NR4A3: variants seen among roughly 807,000 people sequenced by gnomAD.
NR4A3 encodes the protein nuclear receptor subfamily 4 group A member 3.
NR4A3 carries 13 observed loss-of-function variants against 55.6 expected under a neutral mutation model. The observed-to-expected ratio is 0.23, with a 90% CI of 0.15 to 0.37. NR4A3 has a LOEUF of 0.37. Among genes scored for constraint, NR4A3 ranks in the 10% least tolerant of loss-of-function variants. The pLI is 1.00. For missense variants in NR4A3, 646 were observed against 822.8 expected, an observed-to-expected ratio of 0.79 and a Z score of 2.63; for synonymous variants, 342 against 357.9, an observed-to-expected ratio of 0.96 and a Z score of 0.50.
At chr9:99,841,953 G>A (rs1177031673) in intron 5 of NR4A3, among the ~76,000 whole-genome samples, 1 of 152,102 alleles carries the variant, frequency 6.6e-6, no homozygotes, top group African/African-American at 2.4e-5. Context: ...CTGAGGAACA[G>A]AGCGAGACCC....
chr9:99,828,680 A>G lies in NR4A3; in HGVS notation c.638A>G (p.Tyr213Cys). The G allele has an allele frequency of 7.3e-7, 1 of 1,377,940 alleles. No individual in the cohort carries two copies. Among genetic ancestry groups the G allele is most frequent in the Non-Finnish European group, 9.3e-7 (1 of 1,073,890 alleles). 85.4% of individuals were successfully genotyped at this position (1,377,940 alleles called of 1,614,324 possible). A position where few individuals can be genotyped will look rare whatever the true frequency, so the allele number is the denominator to read the frequency against. Residue 213 changes from tyrosine to cysteine, a missense_variant, in exon 3 of 8, where the codon TAC becomes TGC. Physicochemically the swap from Tyr to Cys is radical, Grantham distance 194 (BLOSUM62 -2). Around this residue, in one of 5 missense-constraint regions of NR4A3, gnomAD observed 426 missense variants for 429.4 expected, o/e 0.99. Coordinates refer to ENST00000395097, the MANE Select transcript of NR4A3 (RefSeq NM_006981.4). This position sits in a 1 kb window ranked among gnomAD's most constrained non-coding sequence, Gnocchi z 7.7. ...PSPAGGHHLGYDPTAAAALSL... is the reference protein window; with the variant it reads ...PSPAGGHHLGCDPTAAAALSL... The stretch of plus-strand genomic sequence containing the variant: ...CCGGCCGGCGGCCACCACCTCGGCT[A>G]CGACCCGACGGCCGCTGCCGCGCTC...
intron 1 of NR4A3, among the ~76,000 whole-genome samples, chr9:99,823,257 C>T (rs954604663): frequency 6.6e-6 from 1 of 152,070 alleles, no homozygotes; most frequent in Non-Finnish European, 1.5e-5. Flanking sequence ...TGAAAGTTCT[C>T]GGTGGTGAGA....
At chr9:99,829,620 T>C (rs1229523350) in intron 3 of NR4A3, among the ~76,000 whole-genome samples, 1 of 152,186 alleles carries the variant, frequency 6.6e-6, no homozygotes, top group Non-Finnish European at 1.5e-5. Context: ...CCAAAGTCCA[T>C]TCCCTTTTCA....
At chr9:99,840,569 A>G (rs991015821) in intron 5 of NR4A3, among the ~76,000 whole-genome samples, 61 of 152,244 alleles carry the variant, frequency 4.0e-4, no homozygotes, top group Non-Finnish European at 8.8e-5. Context: ...GGTGTGATTT[A>G]GCAATATTTA....
chr9:99,864,106 A>AGGGGGGGGGG lies in NR4A3; in HGVS notation c.*244_*245insGGGGGGGGGG. 3.4e-6 allele frequency: 1 copy of AGGGGGGGGGG among 296,160 alleles called. No homozygotes were observed. The highest frequency in any genetic ancestry group is 6.4e-6 in the Non-Finnish European group (1 of 155,316). The allele number at this position is 296,160 out of a possible 1,614,324, so 18.3% of individuals were successfully genotyped here. ...TTTAGGCATTGGGGGATGGGGTGGG[A>AGGGGGGGGGG]GGGGGTTATAGTTCATGAGGGTTTT... On this transcript the variant is annotated 3_prime_UTR_variant, in exon 8 of 8. Coordinates refer to ENST00000395097, the MANE Select transcript of NR4A3 (RefSeq NM_006981.4).
intron 1 of NR4A3, among the ~76,000 whole-genome samples, chr9:99,823,182 C>CT (rs1410882378): frequency 6.6e-5 from 10 of 152,054 alleles, no homozygotes; most frequent in Admixed American, 1.3e-4. Context: ...GAAAGGCATG[C>CT]TTTTTCACGG....
In NR4A3 at chr9:99,828,362, A is replaced by G. The variant is rs554268298; in HGVS notation, c.320A>G (p.His107Arg). The G allele has an allele frequency of 2.5e-6, 4 of 1,599,988 alleles. No individual in the cohort carries two copies. In the South Asian group the frequency reaches 4.5e-5, roughly 18 times the overall value. The change falls in exon 3 of 8, where the codon CAT becomes CGT. Residue 107 changes from histidine to arginine, a missense_variant. His to Arg is a conservative substitution (Grantham distance 29, BLOSUM62 0). Transcript: ENST00000395097. The surrounding 1 kb of genome is among the most constrained non-coding windows in gnomAD (Gnocchi z 7.7). ...HHHHHHHHHH[H>R]HQQQHQQPSI... ...CACCACCACCACCACCACCACCACC[A>G]TCACCAGCAGCAGCATCAGCAGCCA...
At chr9:99,835,702 A>G (rs1428543901) in intron 5 of NR4A3, among the ~76,000 whole-genome samples, 2 of 152,208 alleles carry the variant, frequency 1.3e-5, no homozygotes, top group East Asian at 1.9e-4. Flanking sequence ...TAGTCATTCA[A>G]TGGCAAACCT....
rs1222352877 is a variant in NR4A3, at chr9:99,864,272, T to C, written c.*405T>C. Reference sequence around the variant, plus strand: ...TAAAAACAAGAACAGCCAAGGGTTGTTCGCCAGGGTAGGATGTGTCTTAAA... The same window carrying C: ...TAAAAACAAGAACAGCCAAGGGTTGCTCGCCAGGGTAGGATGTGTCTTAAA... On this transcript the variant is annotated 3_prime_UTR_variant, in exon 8 of 8. Coordinates refer to ENST00000395097, the MANE Select transcript of NR4A3 (RefSeq NM_006981.4). The C allele has an allele frequency of 4.1e-6, 1 of 245,630 alleles. No homozygotes were observed. The highest frequency in any genetic ancestry group is 2.2e-5 in the African/African-American group (1 of 45,418). 15.2% of individuals were successfully genotyped at this position (245,630 alleles called of 1,614,324 possible). A position where few individuals can be genotyped will look rare whatever the true frequency, so the allele number is the denominator to read the frequency against.
intron 5 of NR4A3, chr9:99,833,753 T>C: frequency 1.4e-6 from 2 of 1,414,990 alleles, no homozygotes; most frequent in Admixed American, 2.6e-5. Flanking sequence ...CAAACTACAA[T>C]TTGTAGATTT....
In NR4A3 at chr9:99,866,577, G is replaced by A; in HGVS notation, c.*2710G>A. ...TCAACTCCCTTTTTTTTGTCTTAATGTTGCACATAAGTTTATACAGAGTGG... is the reference window on the plus strand; with the variant it reads ...TCAACTCCCTTTTTTTTGTCTTAATATTGCACATAAGTTTATACAGAGTGG... On this transcript the variant is annotated 3_prime_UTR_variant, in exon 8 of 8. Transcript: ENST00000395097. 4.4e-6 allele frequency: 1 copy of A among 227,612 alleles called. No individual in the cohort carries two copies. Among genetic ancestry groups the A allele is most frequent in the Non-Finnish European group, 8.8e-6 (1 of 114,280 alleles). The allele number at this position is 227,612 out of a possible 1,614,324, so 14.1% of individuals were successfully genotyped here. A position where few individuals can be genotyped will look rare whatever the true frequency, so the allele number is the denominator to read the frequency against.
In NR4A3 at chr9:99,828,129, G is replaced by T. The variant is rs1174673727; in HGVS notation, c.87G>T (p.Glu29Asp). The change falls in exon 3 of 8, where the codon GAG (glutamate) becomes GAT (aspartate). Residue 29 changes from glutamate (E) to aspartate (D), a missense_variant. Glu to Asp is a conservative substitution (Grantham distance 45). Transcript: ENST00000395097. The surrounding 1 kb of genome is among the most constrained non-coding windows in gnomAD (Gnocchi z 7.7). The stretch of plus-strand genomic sequence containing the variant: ...CATACAGCTCGGAATACACCACGGA[G>T]ATCATGAACCCCGACTACACCAAGC... Reference protein sequence around the residue: ...AQTYSSEYTTEIMNPDYTKLT... With the variant: ...AQTYSSEYTTDIMNPDYTKLT... 6.2e-7 allele frequency: 1 copy of T among 1,614,044 alleles called. No individual in the cohort carries two copies. The highest frequency in any genetic ancestry group is 1.1e-5 in the South Asian group (1 of 91,070).
At chr9:99,858,261 G>T (rs1237374440) in intron 7 of NR4A3, among the ~76,000 whole-genome samples, 1 of 152,184 alleles carries the variant, frequency 6.6e-6, no homozygotes, top group Non-Finnish European at 1.5e-5. Flanking sequence ...TTAACCAGAT[G>T]AGGATGGGAA....
chr9:99,826,936 C>T (rs564618223), intron 2 of NR4A3: 72 of 665,964 alleles, frequency 1.1e-4, no homozygotes, highest in Non-Finnish European at 1.6e-4. Flanking sequence ...CAAAAACCGC[C>T]GTTTTTTACC....
intron 6 of NR4A3, among the ~76,000 whole-genome samples, chr9:99,845,393 C>T (rs188263624): frequency 5.5e-3 from 836 of 152,212 alleles, no homozygotes; most frequent in Middle Eastern, 0.01. Context: ...TACTCAGTGA[C>T]GCCAAACACA....
chr9:99,845,129 T>C (rs1827731650), intron 6 of NR4A3, among the ~76,000 whole-genome samples: 1 of 152,322 alleles, frequency 6.6e-6, no homozygotes, highest in East Asian at 1.9e-4. Context: ...AGGAAGAGGT[T>C]GGATTTGATG....
intron 5 of NR4A3, among the ~76,000 whole-genome samples, chr9:99,834,375 A>G (rs1827511612): frequency 6.6e-6 from 1 of 152,210 alleles, no homozygotes; most frequent in African/African-American, 2.4e-5. Flanking sequence ...GAAGGAAAAA[A>G]AATCACAATT....
At chr9:99,847,747 T>G (rs1774847802) in intron 7 of NR4A3, 132 bp downstream of exon 7, 2 of 811,878 alleles carry the variant, frequency 2.5e-6, no homozygotes, top group East Asian at 5.2e-5. Context: ...TCTGTTAAGT[T>G]TAACCTAGTT....
Position 99,828,102 on chromosome 9 carries a change from G to A in NR4A3, c.60G>A (p.Gln20=). The change falls in exon 3 of 8, where the codon CAG becomes CAA. Residue 20 remains glutamine (Q), a synonymous_variant. Transcript: ENST00000395097. This position sits in a 1 kb window ranked among gnomAD's most constrained non-coding sequence, Gnocchi z 7.7. The part of the protein sequence containing the change: ...PSPPGSSYAA[Q]TYSSEYTTEI... ...CTCCAGGTTCCAGTTATGCGGCGCA[G>A]ACATACAGCTCGGAATACACCACGG... The A allele has an allele frequency of 6.2e-7, 1 of 1,614,090 alleles. No homozygotes were observed. The highest frequency in any genetic ancestry group is 1.1e-5 in the South Asian group (1 of 91,084).
Sources: gnomAD v4.1 joint callset for allele counts (sites outside exome capture counted in the v4.1 genomes callset) on GRCh38, gnomAD v4.1.1 for gene constraint, gnomAD v4.1.1 regional missense constraint, Gnocchi (gnomAD v3.1) non-coding constraint, MANE v1.5 for transcripts, NCBI Gene and HGNC (gene_info 2026-07-23, HGNC 2026-07-21) for gene names.